CPNE4: variants seen among roughly 807,000 people sequenced by gnomAD.
CPNE4 encodes the protein copine 4.
CPNE4 carries 25 observed loss-of-function variants against 67.9 expected under a neutral mutation model. The ratio of observed to expected loss-of-function variants is 0.37; its 90% CI spans 0.27 to 0.51. The LOEUF (loss-of-function observed/expected upper bound fraction) is 0.51, where lower values mean the gene tolerates loss of function less well. Ranked by LOEUF, CPNE4 falls within the 20% of genes least tolerant of loss-of-function variation. The pLI is 0.93. For missense variants in CPNE4, 464 were observed against 690.8 expected (o/e 0.67, Z 3.68); for synonymous variants, 242 against 244.9 (o/e 0.99, Z 0.11).
chr3:131,816,077 G>A (rs2084728062), intron 2 of CPNE4, among the ~76,000 whole-genome samples: 1 of 152,162 alleles, frequency 6.6e-6, no homozygotes, highest in Non-Finnish European at 1.5e-5. Context: ...GAGGCAAGAT[G>A]GAGTCAGCTG....
chr3:131,849,879 C>A (rs1035497617), intron 2 of CPNE4, among the ~76,000 whole-genome samples: 2 of 152,170 alleles, frequency 1.3e-5, no homozygotes, highest in African/African-American at 4.8e-5. Context: ...TCCTGTGCCA[C>A]AGAGTTTCTG....
Position 131,723,602 on chromosome 3 carries a change from G to A in CPNE4, c.204C>T (p.Arg68=). 2 of 1,613,972 alleles carry A rather than the reference G, an allele frequency of 1.2e-6. No homozygotes were observed. The highest frequency in any genetic ancestry group is 1.7e-6 in the Non-Finnish European group (2 of 1,179,908). ...WFEVDRTEVI[R]TCINPVYSKL... ...TTGAGTACACTGGGTTTATGCAGGT[G>A]CGAATCACCTCAGTCCTGTCAACCT... is the stretch of plus-strand genomic sequence containing the variant. Residue 68 remains arginine, a synonymous_variant, in exon 3 of 16, where the codon CGC becomes CGT. Transcript: ENST00000429747.
chr3:131,669,033 A>G (rs1287199334), intron 7 of CPNE4, among the ~76,000 whole-genome samples: 2 of 152,214 alleles, frequency 1.3e-5, no homozygotes, highest in East Asian at 3.9e-4. Flanking sequence ...CCTAGGCCCT[A>G]AAGAGGTCTT....
chr3:131,958,609 CTTT>C (rs748126986), intron 1 of CPNE4, among the ~76,000 whole-genome samples: 26 of 95,964 alleles, frequency 2.7e-4, no homozygotes, highest in African/African-American at 8.0e-4. Flanking sequence ...TCTTTCTTTT[CTTT>C]TTTTTTTTTT....
At chr3:131,916,347 GA>G (rs35520224) in intron 1 of CPNE4, among the ~76,000 whole-genome samples, 62,378 of 117,682 alleles carry the variant, frequency 0.53, 14,389 homozygotes, top group Admixed American at 0.64. Context: ...TTTCCAGTTA[GA>G]AAAAAAAAAA....
At chr3:131,537,918 C>T (rs567420319) in intron 15 of CPNE4, among the ~76,000 whole-genome samples, 1 of 152,168 alleles carries the variant, frequency 6.6e-6, no homozygotes, top group African/African-American at 2.4e-5. Flanking sequence ...ACACTATTGA[C>T]ATTTGGGGCT....
At chr3:131,586,722 CTCTA>C (rs111608363) in intron 8 of CPNE4, among the ~76,000 whole-genome samples, 7,447 of 148,448 alleles carry the variant, frequency 0.05, 537 homozygotes, top group African/African-American at 0.16. Flanking sequence ...GACTTTCTAT[CTCTA>C]TCTGTCTGTC....
chr3:131,545,712 T>C (rs1037278508), intron 14 of CPNE4, among the ~76,000 whole-genome samples: 25 of 152,230 alleles, frequency 1.6e-4, no homozygotes, highest in African/African-American at 6.0e-4. Flanking sequence ...AATATTTTGC[T>C]AACTGCATTT....
Position 131,796,222 on chromosome 3 carries a change from T to C in CPNE4, c.181-72597A>G, listed in dbSNP as rs147867613. Among the ~76,000 whole-genome samples, 18 of 152,208 alleles carry C rather than the reference T, an allele frequency of 1.2e-4. No individual in the cohort carries two copies. In the East Asian group the frequency reaches 1.9e-3, roughly 16 times the overall value. ...CAGCTGTCCAAGGTTATTTGAATCA[T>C]AGCCATCTTGTGAGAAGACTTCTGC... On this transcript the variant is annotated intron_variant, in intron 2 of 15. Transcript: ENST00000429747.
At chr3:131,950,020 T>C (rs1040910766) in intron 1 of CPNE4, among the ~76,000 whole-genome samples, 1 of 152,162 alleles carries the variant, frequency 6.6e-6, no homozygotes, top group Admixed American at 6.5e-5. Flanking sequence ...GAGTTTCTTA[T>C]GATATATATA....
intron 3 of CPNE4, among the ~76,000 whole-genome samples, chr3:131,707,744 C>A (rs933210326): frequency 6.6e-6 from 1 of 152,132 alleles, no homozygotes; most frequent in Non-Finnish European, 1.5e-5. Context: ...TCTTTATCCT[C>A]AATGAACTTA....
chr3:131,868,201 TTA>T (rs930441845), intron 2 of CPNE4, among the ~76,000 whole-genome samples: 5 of 152,198 alleles, frequency 3.3e-5, no homozygotes, highest in African/African-American at 1.2e-4. Flanking sequence ...CCCTCATTTT[TTA>T]TCTTGACCCA....
At chr3:131,609,159 C>G (rs1344894993) in intron 7 of CPNE4, among the ~76,000 whole-genome samples, 1 of 152,110 alleles carries the variant, frequency 6.6e-6, no homozygotes. Context: ...ATATTTACCC[C>G]CAAAACCGTA....
chr3:131,595,795 G>A (rs568259353), intron 7 of CPNE4, among the ~76,000 whole-genome samples: 10 of 152,216 alleles, frequency 6.6e-5, no homozygotes, highest in Non-Finnish European at 1.5e-4. Flanking sequence ...TGGGAATCAC[G>A]TTTCAACATG....
intron 7 of CPNE4, among the ~76,000 whole-genome samples, chr3:131,631,181 G>A (rs2079211713): frequency 1.3e-5 from 2 of 152,128 alleles, no homozygotes; most frequent in South Asian, 2.1e-4. Flanking sequence ...TTTTTATAAA[G>A]TCACCATAAA....
intron 7 of CPNE4, among the ~76,000 whole-genome samples, chr3:131,632,652 T>G (rs1447900694): frequency 6.6e-6 from 1 of 152,166 alleles, no homozygotes; most frequent in Non-Finnish European, 1.5e-5. Context: ...CCCCCAGTAT[T>G]ACTAGACACA....
intron 1 of CPNE4, among the ~76,000 whole-genome samples, chr3:131,916,695 A>G (rs2089194832): frequency 6.6e-6 from 1 of 152,288 alleles, no homozygotes; most frequent in Admixed American, 6.5e-5. Context: ...AACATTCTGT[A>G]TTGGTGATGG....
chr3:131,610,958 T>C (rs75058203), intron 7 of CPNE4, among the ~76,000 whole-genome samples: 5,056 of 152,270 alleles, frequency 0.033, 274 homozygotes, highest in African/African-American at 0.11. Flanking sequence ...GGATGCAGGT[T>C]ATCTCTTTAG....
At chr3:131,835,129 T>G (rs2085506033) in intron 2 of CPNE4, among the ~76,000 whole-genome samples, 1 of 152,212 alleles carries the variant, frequency 6.6e-6, no homozygotes, top group African/African-American at 2.4e-5. Context: ...GGGCTAGTGA[T>G]GAAGGAAGCC....
Sources: allele counts gnomAD v4.1 joint callset (sites outside exome capture counted in the v4.1 genomes callset), GRCh38; gene constraint gnomAD v4.1.1; transcripts MANE v1.5; gene names NCBI Gene and HGNC (gene_info 2026-07-23, HGNC 2026-07-21).